The following GSTCD variants were observed in gnomAD, a reference collection of about 807,000 sequenced individuals.
GSTCD encodes glutathione S-transferase C-terminal domain containing.
GSTCD carries 44 observed loss-of-function variants against 68.3 expected under a neutral mutation model. That is an observed-to-expected ratio of 0.64 (90% CI 0.51 to 0.83). The LOEUF is 0.83. Among genes scored for constraint, GSTCD ranks in the 40% least tolerant of loss-of-function variants. The pLI, the probability that GSTCD is intolerant of heterozygous loss-of-function variation, is 0.00. For synonymous variants in GSTCD, 273 were observed against 255.2 expected, an observed-to-expected ratio of 1.07 and a Z score of -0.67; for missense variants, 739 against 735.9, an observed-to-expected ratio of 1.00 and a Z score of -0.05.
At chr4:105,735,348 G>T (rs1402082823) in intron 5 of GSTCD, among the ~76,000 whole-genome samples, 2 of 152,198 alleles carry the variant, frequency 1.3e-5, no homozygotes, top group Non-Finnish European at 2.9e-5. Context: ...AGGCCGCTTT[G>T]TTTACCTACT....
At chr4:105,727,088 C>CTTTTTTTTTTT (rs5860809) in intron 4 of GSTCD, among the ~76,000 whole-genome samples, 1 of 138,084 alleles carries the variant, frequency 7.2e-6, no homozygotes. Flanking sequence ...TTTCTCAAAA[C>CTTTTTTTTTTT]TTTTTTTTTT....
chr4:105,747,359 G>T (rs1315015675), intron 5 of GSTCD, among the ~76,000 whole-genome samples: 1 of 152,218 alleles, frequency 6.6e-6, no homozygotes, highest in African/African-American at 2.4e-5. Flanking sequence ...AAATCAGATT[G>T]CAGGGCCCTA....
At chr4:105,746,861 T>C (rs561817444) in intron 5 of GSTCD, among the ~76,000 whole-genome samples, 3 of 152,306 alleles carry the variant, frequency 2.0e-5, no homozygotes, top group South Asian at 4.1e-4. Flanking sequence ...TAGTGATGTA[T>C]AACTAATAAA....
chr4:105,710,852 T>C (rs1357517454), intron 1 of GSTCD: 2 of 152,226 alleles, frequency 1.3e-5, no homozygotes, highest in African/African-American at 2.4e-5. Flanking sequence ...ACACACTTCG[T>C]TTGTGGCTAA....
intron 5 of GSTCD, among the ~76,000 whole-genome samples, chr4:105,739,428 A>C (rs749091441): frequency 5.8e-4 from 89 of 152,316 alleles, no homozygotes; most frequent in Admixed American, 1.2e-3. Flanking sequence ...GTTTGAGAAG[A>C]ACTGGTATTA....
intron 5 of GSTCD, among the ~76,000 whole-genome samples, chr4:105,801,833 T>C (rs1736116474): frequency 6.6e-6 from 1 of 152,124 alleles, no homozygotes; most frequent in South Asian, 2.1e-4. Flanking sequence ...ATAATTAGCA[T>C]CATTTTATAA....
intron 8 of GSTCD, among the ~76,000 whole-genome samples, chr4:105,827,457 C>G (rs997428378): frequency 2.0e-5 from 3 of 151,624 alleles, no homozygotes; most frequent in African/African-American, 7.3e-5. Context: ...ACTTTTTTTC[C>G]TTTCATAATT....
At chr4:105,732,278 C>G (rs924621463) in intron 5 of GSTCD, among the ~76,000 whole-genome samples, 4 of 152,174 alleles carry the variant, frequency 2.6e-5, no homozygotes, top group Non-Finnish European at 4.4e-5. Flanking sequence ...ACCAGCTCCT[C>G]CTTGTACCTC....
chr4:105,792,515 C>T (rs1400229756), intron 5 of GSTCD, among the ~76,000 whole-genome samples: 3 of 151,898 alleles, frequency 2.0e-5, no homozygotes, highest in African/African-American at 7.3e-5. Flanking sequence ...AGAAATCAGT[C>T]GTAGTCAATA....
chr4:105,796,316 G>C (rs955842116), intron 5 of GSTCD, among the ~76,000 whole-genome samples: 1 of 152,152 alleles, frequency 6.6e-6, no homozygotes, highest in Non-Finnish European at 1.5e-5. Context: ...CCATGATTCA[G>C]TTACCTCCCA....
At chr4:105,826,836 T>C (rs1723641769) in intron 8 of GSTCD, among the ~76,000 whole-genome samples, 1 of 152,180 alleles carries the variant, frequency 6.6e-6, no homozygotes, top group Non-Finnish European at 1.5e-5. Context: ...TATGTTCATA[T>C]AAACATGTGG....
rs573000505 is a variant in GSTCD, at chr4:105,801,698, A to G, written c.1241-21256A>G. 2.6e-5 allele frequency among the ~76,000 whole-genome samples: 4 copies of G among 152,166 alleles called. No individual in the cohort carries two copies. In the East Asian group the frequency reaches 7.7e-4, roughly 29 times the overall value. Reference sequence around the variant, plus strand: ...ATTCTCTGATTTTTTTAATGAAAAGAAAAATGGGTAATTATGTTGGGAACA... The same window carrying G: ...ATTCTCTGATTTTTTTAATGAAAAGGAAAATGGGTAATTATGTTGGGAACA... On this transcript the variant is annotated intron_variant, in intron 5 of 11. Coordinates refer to ENST00000515279, the MANE Select transcript of GSTCD (RefSeq NM_001370181.1).
At chr4:105,815,416 A>G (rs750473116) in intron 5 of GSTCD, 1 of 152,164 alleles carries the variant, frequency 6.6e-6, no homozygotes, top group Non-Finnish European at 1.5e-5. Flanking sequence ...TGGGAATACC[A>G]TATTTTAATA....
intron 5 of GSTCD, among the ~76,000 whole-genome samples, chr4:105,736,259 A>G (rs186254344): frequency 5.9e-5 from 9 of 151,874 alleles, no homozygotes; most frequent in African/African-American, 1.9e-4. Context: ...CTGGTACCTT[A>G]TTTTCCTGTG....
chr4:105,730,395 C>T (rs555502234), intron 5 of GSTCD, among the ~76,000 whole-genome samples: 1 of 152,174 alleles, frequency 6.6e-6, no homozygotes, highest in East Asian at 1.9e-4. Flanking sequence ...CACATTGTAT[C>T]CAGCACCTGT....
At chr4:105,777,532 A>G (rs1053553643) in intron 5 of GSTCD, among the ~76,000 whole-genome samples, 1 of 152,124 alleles carries the variant, frequency 6.6e-6, no homozygotes, top group Non-Finnish European at 1.5e-5. Context: ...TTCTTTTTCT[A>G]TGGAACATTA....
At chr4:105,763,368 GA>G (rs1205199724) in intron 5 of GSTCD, among the ~76,000 whole-genome samples, 1 of 152,082 alleles carries the variant, frequency 6.6e-6, no homozygotes, top group Non-Finnish European at 1.5e-5. Flanking sequence ...TTAGTGTGTG[GA>G]AAACATTATC....
In GSTCD at chr4:105,845,476, G is replaced by A. The variant is rs780534468; in HGVS notation, c.1801G>A (p.Ala601Thr). 5.0e-6 allele frequency: 8 copies of A among 1,614,148 alleles called. No homozygotes were observed. Among genetic ancestry groups the A allele is most frequent in the African/African-American group, 1.3e-5 (1 of 75,052 alleles). Residue 601 changes from alanine (A) to threonine (T), a missense_variant, in exon 12 of 12, where the codon GCA becomes ACA. Transcript: ENST00000515279. Reference sequence around the variant, plus strand: ...CATGTGCTTGGTGGATCTGGATCGAGCAAGAGCTGCAGAAGAATGTGGATA... The same window carrying A: ...CATGTGCTTGGTGGATCTGGATCGAACAAGAGCTGCAGAAGAATGTGGATA... ...QCMCLVDLDR[A>T]RAAEECGYSV...
At chr4:105,762,348 T>C (rs1734442064) in intron 5 of GSTCD, among the ~76,000 whole-genome samples, 1 of 152,218 alleles carries the variant, frequency 6.6e-6, no homozygotes, top group African/African-American at 2.4e-5. Flanking sequence ...TTTAATTATA[T>C]CAAACAAAAC....
Sources: gnomAD v4.1 joint callset for allele counts (sites outside exome capture counted in the v4.1 genomes callset) on GRCh38, gnomAD v4.1.1 for gene constraint, MANE v1.5 for transcripts, NCBI Gene and HGNC (gene_info 2026-07-23, HGNC 2026-07-21) for gene names.